The following PAH variants were observed in gnomAD, a reference collection of about 807,000 sequenced individuals.
PAH encodes the protein phenylalanine-4-hydroxylase.
In PAH, 64 loss-of-function variants were observed where a neutral mutation model predicts 62.0. The observed-to-expected ratio is 1.03, with a 90% CI of 0.84 to 1.27. PAH has a LOEUF of 1.27. Among genes scored for constraint, PAH ranks in the 50% most tolerant of loss-of-function variants. The pLI is 0.00. For missense variants in PAH, 579 were observed against 542.8 expected (o/e 1.07, Z -0.66); for synonymous variants, 195 against 196.2 (o/e 0.99, Z 0.05).
At chr12:102,852,436 C>A (rs970751217) in intron 7 of PAH, among the ~76,000 whole-genome samples, 2 of 152,172 alleles carry the variant, frequency 1.3e-5, no homozygotes, top group Admixed American at 1.3e-4. Flanking sequence ...ACCCAATACA[C>A]AATCTAGGCA....
chr12:102,920,923 C>T (rs1392025789), upstream of PAH, among the ~76,000 whole-genome samples: 2 of 152,030 alleles, frequency 1.3e-5, no homozygotes, highest in African/African-American at 4.8e-5. Context: ...CTTTATTTTC[C>T]AGTTATGGAC....
intron 4 of PAH, among the ~76,000 whole-genome samples, chr12:102,874,971 G>A (rs1160233412): frequency 6.6e-6 from 1 of 152,174 alleles, no homozygotes; most frequent in Non-Finnish European, 1.5e-5. Flanking sequence ...GGGTCCTTTC[G>A]AGAAGAACAC....
At chr12:102,858,533 C>T (rs1208651782) in intron 5 of PAH, among the ~76,000 whole-genome samples, 2 of 151,986 alleles carry the variant, frequency 1.3e-5, no homozygotes, top group Admixed American at 6.6e-5. Flanking sequence ...ATTCTTCTCA[C>T]CACATTGCAC....
intron 11 of PAH, among the ~76,000 whole-genome samples, chr12:102,842,805 G>C (rs936801579): frequency 1.3e-5 from 2 of 152,044 alleles, no homozygotes; most frequent in African/African-American, 4.8e-5. Flanking sequence ...CCATAGATAG[G>C]GTTGAAAGCT....
upstream of PAH, among the ~76,000 whole-genome samples, chr12:102,955,693 A>C (rs1488757350): frequency 2.0e-5 from 3 of 152,172 alleles, no homozygotes; most frequent in Non-Finnish European, 4.4e-5. Context: ...CAGGGTGCCC[A>C]GGCTGTGTTG....
In PAH at chr12:102,853,039, T is replaced by C. The variant is rs1875254282; in HGVS notation, c.707-89A>G. The stretch of plus-strand genomic sequence containing the variant: ...CCTTTAGGTAGTGGAGTAGTACACA[T>C]AACTGCCCAGGGACATAGGCTTTGA... On this transcript the variant is annotated intron_variant, in intron 6 of 12. Coordinates refer to ENST00000553106, the MANE Select transcript of PAH (RefSeq NM_000277.3). 4 of 1,410,262 alleles carry C rather than the reference T, an allele frequency of 2.8e-6. No homozygotes were observed. The Admixed American group carries it at 5.6e-5, about 20-fold the overall frequency. The allele number at this position is 1,410,262 out of a possible 1,614,324, so 87.4% of individuals were successfully genotyped here.
intron 9 of PAH, 67 bp from the exon 10 acceptor site, chr12:102,844,498 A>T: frequency 2.0e-6 from 2 of 1,011,286 alleles, no homozygotes; most frequent in Non-Finnish European, 1.6e-6. Context: ...CCTTGACTGG[A>T]TGAAGGGATA....
chr12:102,844,075 A>G (rs1874718798), intron 10 of PAH, among the ~76,000 whole-genome samples: 1 of 152,102 alleles, frequency 6.6e-6, no homozygotes, highest in Admixed American at 6.5e-5. Context: ...GCATACTCAC[A>G]AGGCTGCATG....
At chr12:102,852,748 A>C in intron 7 of PAH, 67 bp downstream of exon 7, 1 of 1,607,190 alleles carries the variant, frequency 6.2e-7, no homozygotes, top group Non-Finnish European at 8.5e-7. Flanking sequence ...CCCAAACCTC[A>C]TTCTTGCAGC....
chr12:102,865,671 A>G (rs1875923783), intron 5 of PAH, among the ~76,000 whole-genome samples: 6 of 152,196 alleles, frequency 3.9e-5, no homozygotes, highest in Admixed American at 3.9e-4. Flanking sequence ...CAAGGCCCAG[A>G]TGGGCTTAGA....
chr12:102,958,429 A>G, upstream of PAH: 1 of 1,548,802 alleles, frequency 6.5e-7, no homozygotes, highest in Non-Finnish European at 8.7e-7. Flanking sequence ...CAGCAGCAGC[A>G]GGCGCCGCAG....
At chr12:102,903,099 G>A (rs531081314) in intron 2 of PAH, among the ~76,000 whole-genome samples, 4 of 152,160 alleles carry the variant, frequency 2.6e-5, no homozygotes, top group Non-Finnish European at 5.9e-5. Context: ...GGTGGCTCAC[G>A]CCTGTAATCC....
intron 1 of PAH, among the ~76,000 whole-genome samples, chr12:102,923,832 C>T (rs961914029): frequency 6.6e-6 from 1 of 152,146 alleles, no homozygotes; most frequent in Non-Finnish European, 1.5e-5. Context: ...AGAGGTCCAT[C>T]CCACAATCAA....
chr12:102,869,986 T>C (rs1876226367), intron 4 of PAH, among the ~76,000 whole-genome samples: 1 of 152,138 alleles, frequency 6.6e-6, no homozygotes, highest in South Asian at 2.1e-4. Context: ...TTGCACTGCA[T>C]GTAACCAAGT....
chr12:102,891,499 C>T (rs984364581), intron 3 of PAH, among the ~76,000 whole-genome samples: 7 of 152,086 alleles, frequency 4.6e-5, no homozygotes, highest in African/African-American at 1.7e-4. Context: ...GTGCTCATGC[C>T]AGTGTTTATA....
intron 1 of PAH, among the ~76,000 whole-genome samples, chr12:102,944,419 T>G (rs963177420): frequency 6.6e-6 from 1 of 152,230 alleles, no homozygotes; most frequent in African/African-American, 2.4e-5. Flanking sequence ...AAGGTTATTT[T>G]CTAGATCTTG....
At chr12:102,913,505 T>G (rs750522167) in intron 1 of PAH, among the ~76,000 whole-genome samples, 3 of 152,078 alleles carry the variant, frequency 2.0e-5, no homozygotes, top group Admixed American at 6.5e-5. Flanking sequence ...CGTGAAAGCA[T>G]GCTAATAACA....
chr12:102,848,495 A>G (rs1592950406), intron 8 of PAH, among the ~76,000 whole-genome samples: 2 of 142,194 alleles, frequency 1.4e-5, no homozygotes, highest in South Asian at 4.7e-4. Flanking sequence ...AGGAGACTGG[A>G]GAGGTTGAGG....
In PAH at chr12:102,912,794, A is replaced by C. The variant is rs199475598; in HGVS notation, c.165T>G (p.Phe55Leu). The C allele has an allele frequency of 9.6e-5, 154 of 1,605,064 alleles. No homozygotes were observed. In the Admixed American group the frequency reaches 9.8e-4, roughly 10 times the overall value. Residue 55 changes from phenylalanine (F) to leucine (L), a missense_variant, in exon 2 of 13, where the codon TTT becomes TTG. By Grantham distance (22) the Phe-to-Leu change is conservative. Transcript: ENST00000553106. Reference sequence around the variant, plus strand: ...CAAACATGATTGTAGCACTGACCTCAAATAAGCGCAATACTTTGGCCAATG... The same window carrying C: ...CAAACATGATTGTAGCACTGACCTCCAATAAGCGCAATACTTTGGCCAATG... Reference protein sequence around the residue: ...VGALAKVLRLFEENDVNLTHI... With the variant: ...VGALAKVLRLLEENDVNLTHI...
Sources: allele counts gnomAD v4.1 joint callset (sites outside exome capture counted in the v4.1 genomes callset), GRCh38; gene constraint gnomAD v4.1.1; transcripts MANE v1.5; gene names NCBI Gene and HGNC (gene_info 2026-07-23, HGNC 2026-07-21).